The following COL25A1 variants were observed in gnomAD, a reference collection of about 807,000 sequenced individuals.
COL25A1 encodes the protein collagen alpha-1(XXV) chain.
COL25A1 carries 103 observed loss-of-function variants against 128.4 expected under a neutral mutation model. That is an observed-to-expected ratio of 0.80 (90% confidence interval 0.68 to 0.94). The LOEUF (loss-of-function observed/expected upper bound fraction) is 0.94, where lower values mean the gene tolerates loss of function less well. Ranked by LOEUF, COL25A1 falls within the 40% of genes least tolerant of loss-of-function variation. The pLI is 0.00. For missense variants in COL25A1, 745 were observed against 840.0 expected (o/e 0.89, Z 1.40); for synonymous variants, 279 against 277.2 (o/e 1.01, Z -0.06).
intron 24 of COL25A1, among the ~76,000 whole-genome samples, chr4:108,853,258 C>T (rs1578548112): frequency 6.6e-6 from 1 of 152,030 alleles, no homozygotes; most frequent in South Asian, 2.1e-4. Flanking sequence ...AGAAATTTTG[C>T]TATTGATAAA....
At chr4:108,852,377 C>T (rs1735890872) in intron 25 of COL25A1, 97 bp from the exon 26 acceptor site, 3 of 881,662 alleles carry the variant, frequency 3.4e-6, no homozygotes, top group African/African-American at 1.8e-5. Flanking sequence ...TTATTTCTAT[C>T]GTAATCAGAT....
chr4:108,963,487 T>C (rs1256374550), intron 8 of COL25A1, among the ~76,000 whole-genome samples: 1 of 152,182 alleles, frequency 6.6e-6, no homozygotes, highest in Non-Finnish European at 1.5e-5. Context: ...ACATTCTCTA[T>C]ATAATATTGA....
intron 5 of COL25A1, among the ~76,000 whole-genome samples, chr4:109,014,385 T>G (rs962836490): frequency 1.3e-5 from 2 of 151,738 alleles, no homozygotes; most frequent in Non-Finnish European, 2.9e-5. Flanking sequence ...ATGTGAAAGT[T>G]AAAATGCAGG....
chr4:108,882,322 C>T (rs1740231552), intron 19 of COL25A1, among the ~76,000 whole-genome samples: 1 of 150,642 alleles, frequency 6.6e-6, no homozygotes, highest in Non-Finnish European at 1.5e-5. Context: ...CTCTCTCTCT[C>T]CAAGAAAGTG....
At chr4:108,992,720 C>A (rs1754340501) in intron 6 of COL25A1, among the ~76,000 whole-genome samples, 1 of 152,168 alleles carries the variant, frequency 6.6e-6, no homozygotes, top group Non-Finnish European at 1.5e-5. Context: ...GTTATTGAAA[C>A]TGCTAAGTGT....
At chr4:109,147,067 A>C (rs745584673) in intron 3 of COL25A1, among the ~76,000 whole-genome samples, 1 of 152,212 alleles carries the variant, frequency 6.6e-6, no homozygotes, top group Non-Finnish European at 1.5e-5. Flanking sequence ...CTTTGGCAAG[A>C]GAAGGGGTAA....
rs142077263 is a variant in COL25A1 at position 109,205,952 on chromosome 4, G to A, written c.367+94631C>T. Among the ~76,000 whole-genome samples the A allele has an allele frequency of 8.1e-3, 1,227 of 152,078 alleles. 15 individuals carry two copies. Among genetic ancestry groups the A allele is most frequent in the African/African-American group, 0.027 (1,137 of 41,498 alleles). On this transcript the variant is annotated intron_variant, in intron 3 of 37. Coordinates refer to ENST00000399132, the MANE Select transcript of COL25A1 (RefSeq NM_198721.4). ...TTCACGTCAGGCTGCTTTCTGCCCT[G>A]GAAAACAACATCTGGTTCTGTTTCA... is the stretch of plus-strand genomic sequence containing the variant.
At chr4:109,231,328 A>G (rs1779152812) in intron 3 of COL25A1, among the ~76,000 whole-genome samples, 1 of 150,946 alleles carries the variant, frequency 6.6e-6, no homozygotes, top group Non-Finnish European at 1.5e-5. Flanking sequence ...ATGACAAACT[A>G]ATCTACACAT....
Position 109,079,941 on chromosome 4 carries a change from T to G in COL25A1, c.368-29762A>C, listed in dbSNP as rs111589774. 1.8e-3 allele frequency among the ~76,000 whole-genome samples: 278 copies of G among 152,090 alleles called. 2 individuals are homozygous for G. The highest frequency in any genetic ancestry group is 6.5e-3 in the African/African-American group (269 of 41,516). Reference sequence around the variant, plus strand: ...TTACAAAAGTAATGGAAACAGGAAGTGAGTCAATGGCTTTCTTTCCAGTCA... The same window carrying G: ...TTACAAAAGTAATGGAAACAGGAAGGGAGTCAATGGCTTTCTTTCCAGTCA... On this transcript the variant is annotated intron_variant, in intron 3 of 37. Coordinates refer to ENST00000399132, the MANE Select transcript of COL25A1 (RefSeq NM_198721.4).
intron 3 of COL25A1, among the ~76,000 whole-genome samples, chr4:109,069,214 C>CTT (rs935211910): frequency 7.1e-6 from 1 of 140,584 alleles, no homozygotes; most frequent in Non-Finnish European, 1.6e-5. Context: ...AATTAGTTTT[C>CTT]TTTTTTTTTT....
chr4:109,048,184 G>C lies in COL25A1; in HGVS notation c.413-9C>G, dbSNP rs751648465. ...CATACTTACAGGAGGACCTATGGGG[G>C]GAGCAGGTGGAGAGAGAAGAGAGAG... is the stretch of plus-strand genomic sequence containing the variant. On this transcript the variant is annotated splice_polypyrimidine_tract_variant and intron_variant, in intron 4 of 37. Coordinates refer to ENST00000399132, the MANE Select transcript of COL25A1 (RefSeq NM_198721.4). 3.1e-6 allele frequency: 5 copies of C among 1,610,710 alleles called. No homozygotes were observed. Among genetic ancestry groups the C allele is most frequent in the Non-Finnish European group, 4.2e-6 (5 of 1,177,242 alleles).
intron 3 of COL25A1, among the ~76,000 whole-genome samples, chr4:109,161,060 A>T (rs1369555472): frequency 6.6e-6 from 1 of 151,758 alleles, no homozygotes; most frequent in East Asian, 1.9e-4. Flanking sequence ...TTAATTTCAA[A>T]CTCCTGGCCT....
Position 108,871,147 on chromosome 4 carries a change from T to C in COL25A1, c.1021-1997A>G, listed in dbSNP as rs549244334. 5.9e-5 allele frequency among the ~76,000 whole-genome samples: 9 copies of C among 152,228 alleles called. No individual in the cohort carries two copies. The East Asian group carries it at 1.5e-3, about 26-fold the overall frequency. On this transcript the variant is annotated intron_variant, in intron 19 of 37. Transcript: ENST00000399132. ...CTTCCTTTTTAAAAAATAGAAGATA[T>C]GTTGTTTCCTTTAGTAAGTGTATGG...
intron 5 of COL25A1, among the ~76,000 whole-genome samples, chr4:109,040,387 T>C (rs1395766879): frequency 6.6e-6 from 1 of 152,206 alleles, no homozygotes; most frequent in Non-Finnish European, 1.5e-5. Flanking sequence ...CATTGAGCCC[T>C]TCTCTGATCA....
intron 3 of COL25A1, among the ~76,000 whole-genome samples, chr4:109,078,682 G>A (rs1763586023): frequency 6.6e-6 from 1 of 152,188 alleles, no homozygotes; most frequent in Admixed American, 6.5e-5. Context: ...ATTTCTAGGT[G>A]AAATGTTAAA....
chr4:108,881,936 T>C (rs1740175839), intron 19 of COL25A1, among the ~76,000 whole-genome samples: 1 of 152,190 alleles, frequency 6.6e-6, no homozygotes, highest in Admixed American at 6.5e-5. Flanking sequence ...TAGAAGAGTA[T>C]GTCTACATAC....
chr4:108,983,050 C>G (rs1753170936), intron 6 of COL25A1, among the ~76,000 whole-genome samples: 1 of 152,196 alleles, frequency 6.6e-6, no homozygotes, highest in Non-Finnish European at 1.5e-5. Flanking sequence ...CTCTGGTTTT[C>G]TTTTCTAACA....
chr4:109,024,834 A>C (rs1758100909), intron 5 of COL25A1, among the ~76,000 whole-genome samples: 1 of 152,158 alleles, frequency 6.6e-6, no homozygotes, highest in African/African-American at 2.4e-5. Context: ...AAAATGCTTA[A>C]GATATGCTCT....
At position 108,810,087 on chromosome 4, in the gene COL25A1, T is replaced by C. The variant is rs1730673143; in HGVS notation, c.*3840A>G. 6.6e-6 allele frequency: 1 copy of C among 151,824 alleles called. No homozygotes were observed. 9.4% of individuals were successfully genotyped at this position (151,824 alleles called of 1,614,324 possible). On this transcript the variant is annotated 3_prime_UTR_variant, in exon 38 of 38. Coordinates refer to ENST00000399132, the MANE Select transcript of COL25A1 (RefSeq NM_198721.4). ...GCTTATGATCACTTATTAGAAGATG[T>C]TAAAACACCACCAAAGTATAGCCCT... is the stretch of plus-strand genomic sequence containing the variant.
Sources: allele counts gnomAD v4.1 joint callset (sites outside exome capture counted in the v4.1 genomes callset), GRCh38; gene constraint gnomAD v4.1.1; transcripts MANE v1.5; gene names NCBI Gene and HGNC (gene_info 2026-07-23, HGNC 2026-07-21).